Variants in MALRD1 observed in about 807,000 individuals in gnomAD.
The protein encoded by MALRD1 is MAM and LDL-receptor class A domain-containing protein 1.
In MALRD1, 247 loss-of-function variants were observed where a neutral mutation model predicts 242.1. That is an observed-to-expected ratio of 1.02 (90% CI 0.92 to 1.13). MALRD1 has a LOEUF of 1.13. MALRD1 is among the 50% of genes most tolerant of loss of function. The pLI is 0.00. For synonymous variants in MALRD1, 995 were observed against 866.6 expected (o/e 1.15, Z -2.60); for missense variants, 2,989 against 2,533.1 (o/e 1.18, Z -3.86).
intron 35 of MALRD1, among the ~76,000 whole-genome samples, chr10:19,614,836 C>T (rs1313024315): frequency 6.6e-6 from 1 of 152,054 alleles, no homozygotes; most frequent in Non-Finnish European, 1.5e-5. Context: ...AGGACATCTG[C>T]ATGCTCATAA....
rs550917010 is a variant in MALRD1 at position 19,203,854 on chromosome 10, G to T, written c.2078G>T (p.Arg693Leu). 1.9e-6 allele frequency: 3 copies of T among 1,550,430 alleles called. No individual in the cohort carries two copies. The highest frequency in any genetic ancestry group is 8.7e-7 in the Non-Finnish European group (1 of 1,146,908). ...GATTTTGAGCACCAGGCTCCACCTC[G>T]GGATCATAGTCTCAACGCATCTCAA... ...SADFEHQAPP[R>L]DHSLNASQGH... Residue 693 changes from arginine to leucine, a missense_variant, in exon 15 of 40, where the codon CGG becomes CTG. By Grantham distance (102) the Arg-to-Leu change is moderately radical. Coordinates refer to ENST00000454679, the MANE Select transcript of MALRD1 (RefSeq NM_001142308.3).
chr10:19,081,888 G>C (rs2131281788), intron 2 of MALRD1, among the ~76,000 whole-genome samples: 1 of 151,934 alleles, frequency 6.6e-6, no homozygotes, highest in Middle Eastern at 3.4e-3. Context: ...ACCTTTTTCT[G>C]TAGTTGAACC....
intron 31 of MALRD1, among the ~76,000 whole-genome samples, chr10:19,530,404 T>TACAAATATATA (rs71388845): frequency 5.2e-5 from 1 of 19,280 alleles, no homozygotes; most frequent in African/African-American, 1.6e-4. Context: ...ATAAATATTA[T>TACAAATATATA]ATATTTATAT....
intron 18 of MALRD1, among the ~76,000 whole-genome samples, chr10:19,230,927 A>C (rs1003337887): frequency 6.6e-6 from 1 of 152,192 alleles, no homozygotes; most frequent in East Asian, 1.9e-4. Flanking sequence ...TTAACTGGCC[A>C]TGAAATAGCT....
At chr10:19,719,237 T>TACAC (rs1286755272) in intron 38 of MALRD1, among the ~76,000 whole-genome samples, 2 of 124,924 alleles carry the variant, frequency 1.6e-5, no homozygotes, top group African/African-American at 6.3e-5. Context: ...TATATATATA[T>TACAC]ATATATATAT....
chr10:19,264,188 A>G (rs1477125298), intron 19 of MALRD1, among the ~76,000 whole-genome samples: 1 of 152,116 alleles, frequency 6.6e-6, no homozygotes. Context: ...TTTTGACGTG[A>G]TCATAAGATT....
intron 1 of MALRD1, among the ~76,000 whole-genome samples, chr10:19,057,490 T>G (rs1316699163): frequency 6.6e-6 from 1 of 152,106 alleles, no homozygotes; most frequent in Non-Finnish European, 1.5e-5. Context: ...CTTCCAATAC[T>G]ATCACATTGG....
chr10:19,225,320 C>T (rs1211037606), intron 18 of MALRD1, among the ~76,000 whole-genome samples: 2 of 152,106 alleles, frequency 1.3e-5, no homozygotes, highest in Admixed American at 6.6e-5. Context: ...GAAAATGACA[C>T]TTCCCATAGT....
chr10:19,499,706 A>G (rs1837885210), intron 31 of MALRD1, among the ~76,000 whole-genome samples: 1 of 152,234 alleles, frequency 6.6e-6, no homozygotes, highest in Admixed American at 6.5e-5. Context: ...AAGCATATGC[A>G]CAGTAAAAAA....
chr10:19,401,332 C>T (rs903436430), intron 28 of MALRD1, among the ~76,000 whole-genome samples: 14 of 151,988 alleles, frequency 9.2e-5, no homozygotes, highest in African/African-American at 3.4e-4. Context: ...AATTTAACTT[C>T]GTAATCATTT....
chr10:19,443,332 C>T (rs542490228), intron 28 of MALRD1, among the ~76,000 whole-genome samples: 3 of 152,274 alleles, frequency 2.0e-5, no homozygotes, highest in Admixed American at 6.5e-5. Flanking sequence ...CAGTTCTGCT[C>T]TGATCATAGT....
chr10:19,463,733 G>C (rs190879746), intron 29 of MALRD1, among the ~76,000 whole-genome samples: 149 of 152,232 alleles, frequency 9.8e-4, no homozygotes, highest in Middle Eastern at 3.4e-3. Context: ...TAGATACCCA[G>C]TAGTGGGATT....
chr10:19,173,547 C>T (rs1250951742), intron 13 of MALRD1, among the ~76,000 whole-genome samples: 2 of 152,020 alleles, frequency 1.3e-5, no homozygotes, highest in Non-Finnish European at 2.9e-5. Flanking sequence ...TGAGCTGTAC[C>T]AACTCATGGA....
upstream of MALRD1, among the ~76,000 whole-genome samples, chr10:19,047,360 GTGT>G (rs1242810781): frequency 4.1e-5 from 1 of 24,162 alleles, no homozygotes; most frequent in African/African-American, 3.5e-4. Context: ...AATTAGGTGT[GTGT>G]GTGTGTGTGT....
At chr10:19,264,779 A>G (rs1839907677) in intron 19 of MALRD1, among the ~76,000 whole-genome samples, 2 of 149,576 alleles carry the variant, frequency 1.3e-5, no homozygotes, top group African/African-American at 5.0e-5. Flanking sequence ...AATGAGTTTG[A>G]AAGTGTTTCT....
At chr10:19,381,844 T>C (rs1845851932) in intron 26 of MALRD1, among the ~76,000 whole-genome samples, 2 of 151,408 alleles carry the variant, frequency 1.3e-5, no homozygotes. Flanking sequence ...GTCTCAAAAA[T>C]AAAATACAAT....
intron 25 of MALRD1, among the ~76,000 whole-genome samples, chr10:19,349,180 C>T (rs1263850117): frequency 1.3e-5 from 2 of 152,136 alleles, no homozygotes; most frequent in African/African-American, 2.4e-5. Flanking sequence ...AGGCTGGTCT[C>T]GAACTCCTGA....
chr10:19,374,001 A>C (rs1454287230), intron 26 of MALRD1, among the ~76,000 whole-genome samples: 2 of 152,198 alleles, frequency 1.3e-5, no homozygotes, highest in East Asian at 1.9e-4. Context: ...CTTAGCATAA[A>C]TTATTGTTTG....
rs527427407 is a variant in MALRD1, at chr10:19,329,466, C to G, written c.3687+1793C>G. ...ATTACAATAATTTTTACTATTTGAG[C>G]AATTGCATATGTAGCAGTTACTGAG... On this transcript the variant is annotated intron_variant, in intron 23 of 39. Transcript: ENST00000454679. 2.7e-3 allele frequency among the ~76,000 whole-genome samples: 414 copies of G among 151,656 alleles called. 3 individuals carry two copies. The highest frequency in any genetic ancestry group is 8.6e-3 in the African/African-American group (356 of 41,332).
Sources: gnomAD v4.1 joint callset for allele counts (sites outside exome capture counted in the v4.1 genomes callset) on GRCh38, gnomAD v4.1.1 for gene constraint, MANE v1.5 for transcripts, NCBI Gene and HGNC (gene_info 2026-07-23, HGNC 2026-07-21) for gene names.